Variants in MRTFB observed in about 807,000 individuals in gnomAD.
MRTFB encodes myocardin related transcription factor B, also known as myocardin-related transcription factor B.
A neutral mutation model predicts 104.2 loss-of-function variants in MRTFB; 29 were observed. That is an observed-to-expected ratio of 0.28 (90% confidence interval 0.21 to 0.38). MRTFB has a LOEUF of 0.38. Ranked by LOEUF, MRTFB falls within the 10% of genes least tolerant of loss-of-function variation. The pLI, the probability that MRTFB is intolerant of heterozygous loss-of-function variation, is 1.00. For synonymous variants in MRTFB, 535 were observed against 519.5 expected (o/e 1.03, Z -0.41); for missense variants, 1,270 against 1,341.6 (o/e 0.95, Z 0.83).
At chr16:14,119,698 TA>T (rs1350420809) in intron 2 of MRTFB, among the ~76,000 whole-genome samples, 1 of 152,164 alleles carries the variant, frequency 6.6e-6, no homozygotes, top group African/African-American at 2.4e-5. Context: ...GTTTTAAACT[TA>T]TTTTTTTTTA....
At chr16:13,996,885 T>G in the MRTFB span, among the ~76,000 whole-genome samples, 1 of 152,198 alleles carries the variant, frequency 6.6e-6, no homozygotes, top group Admixed American at 6.5e-5. Context: ...CCATCCACAC[T>G]CTCACCTGAT....
At chr16:14,087,787 CT>C (rs1244413084) in intron 2 of MRTFB, among the ~76,000 whole-genome samples, 1 of 152,190 alleles carries the variant, frequency 6.6e-6, no homozygotes, top group East Asian at 1.9e-4. Flanking sequence ...AACCATCCCA[CT>C]TCCTTTTTCT....
At chr16:14,025,614 G>A in the MRTFB span, among the ~76,000 whole-genome samples, 586 of 152,282 alleles carry the variant, frequency 3.8e-3, 4 homozygotes, top group African/African-American at 0.014. Context: ...GGCCCTGTGG[G>A]CCTAGGATCC....
At chr16:14,062,412 G>A in the MRTFB span, among the ~76,000 whole-genome samples, 63 of 152,270 alleles carry the variant, frequency 4.1e-4, no homozygotes, top group African/African-American at 1.3e-3. Context: ...GGATCTTTTG[G>A]CATCTGTGCC....
intron 1 of MRTFB, among the ~76,000 whole-genome samples, chr16:14,072,339 C>G (rs539449962): frequency 6.6e-6 from 1 of 152,172 alleles, no homozygotes; most frequent in Non-Finnish European, 1.5e-5. Flanking sequence ...AAATAGAGAA[C>G]AGTATATGAC....
intron 10 of MRTFB, among the ~76,000 whole-genome samples, chr16:14,244,697 A>G (rs2042938474): frequency 6.6e-6 from 1 of 152,178 alleles, no homozygotes; most frequent in Admixed American, 6.5e-5. Flanking sequence ...TGGGATATAC[A>G]TTCTTGTGAT....
the MRTFB span, among the ~76,000 whole-genome samples, chr16:14,038,243 A>C: frequency 6.6e-6 from 1 of 152,074 alleles, no homozygotes; most frequent in African/African-American, 2.4e-5. Flanking sequence ...CTTATTATAA[A>C]AACACCAGTC....
chr16:14,061,534 C>CT, the MRTFB span, among the ~76,000 whole-genome samples: 276 of 72,768 alleles, frequency 3.8e-3, 1 homozygote, highest in African/African-American at 7.6e-3. Flanking sequence ...GATTTGAGGT[C>CT]TTTTTTTTTT....
intron 6 of MRTFB, among the ~76,000 whole-genome samples, chr16:14,215,555 G>A (rs1567177196): frequency 6.6e-6 from 1 of 152,150 alleles, no homozygotes; most frequent in African/African-American, 2.4e-5. Context: ...CTATCACTTC[G>A]GTGATGGTAA....
intron 1 of MRTFB, among the ~76,000 whole-genome samples, chr16:14,078,500 G>A (rs2034201672): frequency 6.6e-6 from 1 of 151,938 alleles, no homozygotes; most frequent in Non-Finnish European, 1.5e-5. Flanking sequence ...CACAGTTATG[G>A]CTTACTGCAG....
At chr16:14,200,933 A>G in intron 3 of MRTFB, 1 of 1,444,454 alleles carries the variant, frequency 6.9e-7, no homozygotes, top group Non-Finnish European at 9.7e-7. Flanking sequence ...TTTGGAAAGC[A>G]GTTTTTAAGA....
chr16:14,157,116 A>G (rs1264077877), intron 3 of MRTFB, among the ~76,000 whole-genome samples: 2 of 152,194 alleles, frequency 1.3e-5, no homozygotes, highest in Non-Finnish European at 2.9e-5. Flanking sequence ...TTTTATATCA[A>G]TGAAGGTAGA....
intron 9 of MRTFB, among the ~76,000 whole-genome samples, chr16:14,236,545 G>T (rs2042521189): frequency 1.3e-5 from 2 of 152,258 alleles, no homozygotes; most frequent in African/African-American, 4.8e-5. Flanking sequence ...GTGCTGGGGA[G>T]ATAAGGAGAG....
chr16:14,195,130 G>C (rs900594118), intron 3 of MRTFB, among the ~76,000 whole-genome samples: 1 of 152,198 alleles, frequency 6.6e-6, no homozygotes, highest in Non-Finnish European at 1.5e-5. Context: ...AATCTAAACA[G>C]TAGAGCAAGT....
intron 15 of MRTFB, among the ~76,000 whole-genome samples, chr16:14,257,774 G>T (rs1482481443): frequency 6.6e-6 from 1 of 152,070 alleles, no homozygotes; most frequent in Non-Finnish European, 1.5e-5. Context: ...GATCACCTTT[G>T]TACAAATTTT....
chr16:14,230,312 C>A (rs1181278185), intron 8 of MRTFB, among the ~76,000 whole-genome samples: 3 of 152,106 alleles, frequency 2.0e-5, no homozygotes, highest in African/African-American at 7.2e-5. Context: ...AGCTTCTGCA[C>A]AGCAAAAGAA....
intron 8 of MRTFB, among the ~76,000 whole-genome samples, chr16:14,227,572 C>T (rs1444550559): frequency 1.3e-5 from 2 of 152,098 alleles, no homozygotes; most frequent in Non-Finnish European, 2.9e-5. Flanking sequence ...AGTGCAGTGG[C>T]ACAATCACGG....
chr16:14,220,813 T>G (rs1381115861), intron 8 of MRTFB, among the ~76,000 whole-genome samples: 1 of 152,222 alleles, frequency 6.6e-6, no homozygotes, highest in African/African-American at 2.4e-5. Context: ...AAGACCCACT[T>G]TACAGGATGT....
the MRTFB span, among the ~76,000 whole-genome samples, chr16:14,060,384 G>T: frequency 2.6e-5 from 4 of 152,154 alleles, no homozygotes; most frequent in African/African-American, 9.7e-5. Flanking sequence ...TTGATGAATG[G>T]ATTCGCCAGG....
Sources: allele counts gnomAD v4.1 joint callset (sites outside exome capture counted in the v4.1 genomes callset), GRCh38; gene constraint gnomAD v4.1.1; transcripts MANE v1.5; gene names NCBI Gene and HGNC (gene_info 2026-07-23, HGNC 2026-07-21).